The following MALRD1 variants were observed in gnomAD, a reference collection of about 807,000 sequenced individuals.
The protein encoded by MALRD1 is MAM and LDL-receptor class A domain-containing protein 1.
MALRD1 carries 247 observed loss-of-function variants against 242.1 expected under a neutral mutation model. The ratio of observed to expected loss-of-function variants is 1.02; its 90% CI spans 0.92 to 1.13. The LOEUF (loss-of-function observed/expected upper bound fraction) is 1.13, where lower values mean the gene tolerates loss of function less well. Among genes scored for constraint, MALRD1 ranks in the 50% most tolerant of loss-of-function variants. The pLI is 0.00. For missense variants in MALRD1, 2,989 were observed against 2,533.1 expected (o/e 1.18, Z -3.86); for synonymous variants, 995 against 866.6 (o/e 1.15, Z -2.60).
At chr10:19,147,016 A>G (rs994934600) in intron 11 of MALRD1, among the ~76,000 whole-genome samples, 34 of 152,228 alleles carry the variant, frequency 2.2e-4, no homozygotes, top group Admixed American at 9.2e-4. Flanking sequence ...TCTTAACTTT[A>G]CTTTTTAAAT....
Position 19,674,108 on chromosome 10 carries a change from C to T in MALRD1, c.6138-18174C>T, listed in dbSNP as rs181439762. On this transcript the variant is annotated intron_variant, in intron 36 of 39. Transcript: ENST00000454679. Reference sequence around the variant, plus strand: ...AGTTAAGACCTCAATTCCATGAAAGCGCAAGATAGTCTAAGATTTGGATAG... The same window carrying T: ...AGTTAAGACCTCAATTCCATGAAAGTGCAAGATAGTCTAAGATTTGGATAG... Among the ~76,000 whole-genome samples, 195 of 152,080 alleles carry T rather than the reference C, an allele frequency of 1.3e-3. 1 individual carries two copies. Among genetic ancestry groups the T allele is most frequent in the African/African-American group, 4.2e-3 (174 of 41,490 alleles).
At chr10:19,412,224 G>A (rs1257503270) in intron 28 of MALRD1, among the ~76,000 whole-genome samples, 1 of 152,204 alleles carries the variant, frequency 6.6e-6, no homozygotes, top group African/African-American at 2.4e-5. Context: ...TCGGGAGGTG[G>A]AGGTTGCAGT....
chr10:19,385,952 A>T (rs1846053138), intron 26 of MALRD1, among the ~76,000 whole-genome samples: 1 of 152,098 alleles, frequency 6.6e-6, no homozygotes, highest in South Asian at 2.1e-4. Flanking sequence ...ATAATTAACC[A>T]AAAAAATTTT....
intron 36 of MALRD1, among the ~76,000 whole-genome samples, chr10:19,626,804 T>A (rs73595876): frequency 0.028 from 4,280 of 152,232 alleles, 174 homozygotes; most frequent in African/African-American, 0.096. Context: ...ATTAGCCAAT[T>A]AATTACATTG....
At chr10:19,566,792 A>T (rs923191748) in intron 32 of MALRD1, among the ~76,000 whole-genome samples, 2 of 151,990 alleles carry the variant, frequency 1.3e-5, no homozygotes, top group African/African-American at 4.8e-5. Flanking sequence ...AAAAGAGAAT[A>T]TAGAAATATA....
chr10:19,687,202 A>C (rs186301598), intron 36 of MALRD1, among the ~76,000 whole-genome samples: 1 of 152,266 alleles, frequency 6.6e-6, no homozygotes, highest in East Asian at 1.9e-4. Flanking sequence ...AGTATTATTT[A>C]ATATTTATGG....
intron 14 of MALRD1, among the ~76,000 whole-genome samples, chr10:19,178,595 T>C (rs1316308617): frequency 6.6e-6 from 1 of 152,226 alleles, no homozygotes; most frequent in African/African-American, 2.4e-5. Flanking sequence ...AAATCGCAAG[T>C]GCTACTTTGA....
chr10:19,080,988 G>C (rs190973531), intron 2 of MALRD1, among the ~76,000 whole-genome samples: 5 of 151,834 alleles, frequency 3.3e-5, no homozygotes, highest in African/African-American at 1.2e-4. Flanking sequence ...GAAAACATTC[G>C]TGTGGCCCAC....
At chr10:19,478,056 G>T (rs184656584) in intron 29 of MALRD1, among the ~76,000 whole-genome samples, 26 of 152,268 alleles carry the variant, frequency 1.7e-4, no homozygotes, top group Admixed American at 1.4e-3. Context: ...TGTTGGAAAA[G>T]AAATGATTCG....
At chr10:19,387,420 C>T (rs528193096) in intron 26 of MALRD1, 108 bp from the exon 27 acceptor site, 88 of 1,330,098 alleles carry the variant, frequency 6.6e-5, no homozygotes, top group Non-Finnish European at 8.2e-5. Context: ...TTCCTAAGAA[C>T]AATATGTTCC....
chr10:19,555,842 G>T (rs1000825943), intron 32 of MALRD1, among the ~76,000 whole-genome samples: 1 of 152,120 alleles, frequency 6.6e-6, no homozygotes, highest in East Asian at 1.9e-4. Context: ...ATGTTAGCAA[G>T]GTTAATGATG....
At chr10:19,238,568 A>G (rs1564493046) in intron 18 of MALRD1, among the ~76,000 whole-genome samples, 2 of 84,778 alleles carry the variant, frequency 2.4e-5, no homozygotes, top group East Asian at 6.1e-4. Flanking sequence ...TATATATAAT[A>G]TACATAATGT....
chr10:19,352,905 T>C (rs1357470960), intron 26 of MALRD1, among the ~76,000 whole-genome samples: 1 of 152,194 alleles, frequency 6.6e-6, no homozygotes, highest in Non-Finnish European at 1.5e-5. Context: ...TTAACCCATA[T>C]AATATTAAAG....
intron 38 of MALRD1, among the ~76,000 whole-genome samples, chr10:19,725,524 A>G (rs1295484234): frequency 6.6e-6 from 1 of 152,242 alleles, no homozygotes; most frequent in Non-Finnish European, 1.5e-5. Flanking sequence ...GCATGAGAAC[A>G]GACTAATACA....
chr10:19,408,903 A>G (rs1216621012), intron 28 of MALRD1, among the ~76,000 whole-genome samples: 1 of 152,234 alleles, frequency 6.6e-6, no homozygotes, highest in African/African-American at 2.4e-5. Flanking sequence ...ACCAAAAACT[A>G]AACATGCAAT....
chr10:19,057,655 A>G (rs1834707725), intron 1 of MALRD1, among the ~76,000 whole-genome samples: 2 of 152,216 alleles, frequency 1.3e-5, no homozygotes, highest in Admixed American at 1.3e-4. Flanking sequence ...ACTCATGACA[A>G]GACTATGCTT....
intron 26 of MALRD1, among the ~76,000 whole-genome samples, chr10:19,386,882 G>A (rs1266958848): frequency 1.3e-5 from 2 of 152,046 alleles, no homozygotes; most frequent in Non-Finnish European, 2.9e-5. Flanking sequence ...GTCAAACTCA[G>A]GTCTTCAAAA....
chr10:19,398,029 A>T (rs1589020764), intron 28 of MALRD1, among the ~76,000 whole-genome samples: 1 of 151,638 alleles, frequency 6.6e-6, no homozygotes, highest in South Asian at 2.1e-4. Context: ...TGACTATTGA[A>T]TTTTTTGAGT....
At chr10:19,197,014 G>C (rs956242855) in intron 14 of MALRD1, among the ~76,000 whole-genome samples, 1 of 152,054 alleles carries the variant, frequency 6.6e-6, no homozygotes, top group African/African-American at 2.4e-5. Context: ...ATTGACTCAC[G>C]GCTCTGCATG....
Sources: gnomAD v4.1 joint callset for allele counts (sites outside exome capture counted in the v4.1 genomes callset) on GRCh38, gnomAD v4.1.1 for gene constraint, MANE v1.5 for transcripts, NCBI Gene and HGNC (gene_info 2026-07-23, HGNC 2026-07-21) for gene names.